Variants in HSPA12A observed in about 807,000 individuals in gnomAD.
HSPA12A encodes the protein heat shock protein family A (Hsp70) member 12A, also known as heat shock 70 kDa protein 12A.
HSPA12A carries 28 observed loss-of-function variants against 69.2 expected under a neutral mutation model. The observed-to-expected ratio is 0.40, with a 90% CI of 0.30 to 0.55. HSPA12A has a LOEUF of 0.55. HSPA12A is among the 20% of genes least tolerant of loss of function. The pLI, the probability that HSPA12A is intolerant of heterozygous loss-of-function variation, is 0.38. For synonymous variants in HSPA12A, 345 were observed against 370.5 expected, an observed-to-expected ratio of 0.93 and a Z score of 0.79; for missense variants, 686 against 900.7, an observed-to-expected ratio of 0.76 and a Z score of 3.05.
intron 1 of HSPA12A, among the ~76,000 whole-genome samples, chr10:116,711,304 A>T (rs1850419285): frequency 6.6e-6 from 1 of 152,196 alleles, no homozygotes; most frequent in African/African-American, 2.4e-5. Flanking sequence ...ACACACTAGG[A>T]ACAGAAGAGA....
At chr10:116,849,651 G>C (rs1488549039) in exon 1 of HSPA12A, 9 of 1,550,266 alleles carry the variant, frequency 5.8e-6, no homozygotes, top group Non-Finnish European at 7.8e-6. Flanking sequence ...GTACTACCGG[G>C]AGAACGACGT....
chr10:116,817,967 C>A (rs1845338913), intron 2 of HSPA12A, among the ~76,000 whole-genome samples: 1 of 152,196 alleles, frequency 6.6e-6, no homozygotes, highest in Admixed American at 6.5e-5. Flanking sequence ...CCTGACCTTA[C>A]AATGACACTC....
chr10:116,837,519 T>C (rs888281896), intron 1 of HSPA12A, among the ~76,000 whole-genome samples: 3 of 152,070 alleles, frequency 2.0e-5, no homozygotes, highest in African/African-American at 7.2e-5. Context: ...AACTGAGCTA[T>C]AAAAAAGACC....
At chr10:116,742,336 C>T in intron 1 of HSPA12A, 94 bp downstream of exon 1, 1 of 1,266,626 alleles carries the variant, frequency 7.9e-7, no homozygotes, top group Non-Finnish European at 1.0e-6. Context: ...CACTTTTCCA[C>T]GGCGCGCGAG....
chr10:116,773,236 C>T (rs1248768645), intron 2 of HSPA12A, among the ~76,000 whole-genome samples: 2 of 152,234 alleles, frequency 1.3e-5, no homozygotes, highest in Non-Finnish European at 2.9e-5. Flanking sequence ...CTCCAGAGGC[C>T]CAGGATGAAC....
chr10:116,747,478 G>A (rs1450732555), upstream of HSPA12A, among the ~76,000 whole-genome samples: 1 of 152,208 alleles, frequency 6.6e-6, no homozygotes, highest in Non-Finnish European at 1.5e-5. Context: ...CACATCTCAA[G>A]GAGGACAATG....
upstream of HSPA12A, among the ~76,000 whole-genome samples, chr10:116,747,555 G>C (rs1169048830): frequency 6.6e-5 from 10 of 152,176 alleles, no homozygotes; most frequent in Non-Finnish European, 5.9e-5. Flanking sequence ...GTTTTCACAA[G>C]GGCTGCAACT....
chr10:116,682,705 A>AT (rs372889664), intron 7 of HSPA12A, among the ~76,000 whole-genome samples: 374 of 151,112 alleles, frequency 2.5e-3, no homozygotes, highest in African/African-American at 8.6e-3. Context: ...AGTTCCCACA[A>AT]TTTTTTTTTC....
chr10:116,805,023 G>A (rs1170650691), intron 2 of HSPA12A, among the ~76,000 whole-genome samples: 1 of 152,124 alleles, frequency 6.6e-6, no homozygotes, highest in Non-Finnish European at 1.5e-5. Flanking sequence ...CATTAAAACC[G>A]CAGGGAATGT....
At position 116,692,603 on chromosome 10, in the gene HSPA12A, G is replaced by T. The variant is rs1332931094; in HGVS notation, c.547-136C>A. On this transcript the variant is annotated intron_variant, in intron 5 of 11. Coordinates refer to ENST00000369209, the MANE Select transcript of HSPA12A (RefSeq NM_025015.3). ...GTTTCAGGGTCCCCCAAACTTACCA[G>T]CATCAGAGAGCAAAGATCTGTTTCC... The T allele has an allele frequency of 1.3e-5, 9 of 671,384 alleles. 1 individual carries two copies. In the Admixed American group the frequency reaches 2.1e-4, roughly 16 times the overall value. The allele number at this position is 671,384 out of a possible 1,614,324, so 41.6% of individuals were successfully genotyped here. A position where few individuals can be genotyped will look rare whatever the true frequency, so the allele number is the denominator to read the frequency against.
At chr10:116,807,003 A>T (rs1364416725) in intron 2 of HSPA12A, among the ~76,000 whole-genome samples, 1 of 152,228 alleles carries the variant, frequency 6.6e-6, no homozygotes, top group Non-Finnish European at 1.5e-5. Flanking sequence ...GGAGAGGGTG[A>T]TGTGAAGACA....
intron 2 of HSPA12A, among the ~76,000 whole-genome samples, chr10:116,800,549 C>G (rs1271801599): frequency 6.6e-6 from 1 of 152,212 alleles, no homozygotes; most frequent in Non-Finnish European, 1.5e-5. Flanking sequence ...ACCCGGCAAG[C>G]TTTGCCACAA....
intron 2 of HSPA12A, among the ~76,000 whole-genome samples, chr10:116,794,359 G>A (rs1844770893): frequency 6.6e-6 from 1 of 152,152 alleles, no homozygotes; most frequent in African/African-American, 2.4e-5. Context: ...AAGGTTGGAA[G>A]TAAGAGTGGG....
At chr10:116,714,693 C>A (rs1261585015) in intron 1 of HSPA12A, among the ~76,000 whole-genome samples, 3 of 152,180 alleles carry the variant, frequency 2.0e-5, no homozygotes, top group African/African-American at 4.8e-5. Context: ...CAATAAAGTC[C>A]AGCACACTAC....
intron 2 of HSPA12A, among the ~76,000 whole-genome samples, chr10:116,773,623 C>T (rs2133122269): frequency 6.6e-6 from 1 of 152,366 alleles, no homozygotes; most frequent in Non-Finnish European, 1.5e-5. Context: ...CCTGGCCAAC[C>T]TGCCCAGCTC....
intron 6 of HSPA12A, among the ~76,000 whole-genome samples, chr10:116,685,102 C>T (rs1330338037): frequency 6.6e-6 from 1 of 152,198 alleles, no homozygotes; most frequent in Non-Finnish European, 1.5e-5. Flanking sequence ...GACTTTTTGC[C>T]ATTTCTTAGG....
rs548171251 is a variant in HSPA12A, at chr10:116,722,932, C to T, written c.41-15647G>A. Among the ~76,000 whole-genome samples, 10 of 152,068 alleles carry T rather than the reference C, an allele frequency of 6.6e-5. No homozygotes were observed. In the East Asian group the frequency reaches 9.7e-4, roughly 15 times the overall value. Reference sequence around the variant, plus strand: ...AGGAAGGTGACGCTTGGCTGGCTCCCGGGAGGGCAAGTTTGCTGAATGAAC... The same window carrying T: ...AGGAAGGTGACGCTTGGCTGGCTCCTGGGAGGGCAAGTTTGCTGAATGAAC... On this transcript the variant is annotated intron_variant, in intron 1 of 11. Coordinates refer to ENST00000369209, the MANE Select transcript of HSPA12A (RefSeq NM_025015.3).
At position 116,683,863 on chromosome 10, in the gene HSPA12A, T is replaced by A; in HGVS notation, c.763A>T (p.Ile255Phe). The change falls in exon 7 of 12, where the codon ATT (isoleucine) becomes TTT (phenylalanine). Residue 255 changes from isoleucine (I) to phenylalanine (F), a missense_variant. Ile to Phe is a conservative substitution (Grantham distance 21). Transcript: ENST00000369209. ...ACGGCTGCCTTGCTGCTCAGCTCAA[T>A]CATCTGGTGTAGCCGCAGCTTTCGG... Reference protein sequence around the residue: ...YCRKLRLHQMIELSSKAAVNG... With the variant: ...YCRKLRLHQMFELSSKAAVNG... 1 of 1,600,762 alleles carries A rather than the reference T, an allele frequency of 6.2e-7. No individual in the cohort carries two copies. Among genetic ancestry groups the A allele is most frequent in the South Asian group, 1.1e-5 (1 of 90,074 alleles).
chr10:116,830,676 G>A (rs1296406378), intron 2 of HSPA12A: 4 of 152,124 alleles, frequency 2.6e-5, no homozygotes, highest in African/African-American at 9.7e-5. Flanking sequence ...GGGAGGCTGA[G>A]CTGGGAGGAT....
Sources: gnomAD v4.1 joint callset for allele counts (sites outside exome capture counted in the v4.1 genomes callset) on GRCh38, gnomAD v4.1.1 for gene constraint, MANE v1.5 for transcripts, NCBI Gene and HGNC (gene_info 2026-07-23, HGNC 2026-07-21) for gene names.